Variants in MDGA2 observed in about 807,000 individuals in gnomAD.
MDGA2 encodes MAM domain-containing glycosylphosphatidylinositol anchor protein 2.
MDGA2 carries 40 observed loss-of-function variants against 117.8 expected under a neutral mutation model. The ratio of observed to expected loss-of-function variants is 0.34; its 90% CI spans 0.26 to 0.44. The LOEUF (loss-of-function observed/expected upper bound fraction) is 0.44, where lower values mean the gene tolerates loss of function less well. Among genes scored for constraint, MDGA2 ranks in the 20% least tolerant of loss-of-function variants. The probability of loss-of-function intolerance (pLI) is 1.00; values close to 1 mark genes in which losing one functional copy is unlikely to be tolerated. For missense variants in MDGA2, 1,123 were observed against 1,250.6 expected, an observed-to-expected ratio of 0.90 and a Z score of 1.54; for synonymous variants, 452 against 439.0, an observed-to-expected ratio of 1.03 and a Z score of -0.37.
At chr14:47,662,026 C>T (rs549899930) in intron 1 of MDGA2, among the ~76,000 whole-genome samples, 23 of 152,070 alleles carry the variant, frequency 1.5e-4, no homozygotes, top group Non-Finnish European at 2.8e-4. Context: ...AGTGAGCCAC[C>T]GCACCCAGCC....
chr14:47,281,704 T>A (rs1190102893), intron 2 of MDGA2, among the ~76,000 whole-genome samples: 1 of 152,176 alleles, frequency 6.6e-6, no homozygotes, highest in East Asian at 1.9e-4. Flanking sequence ...TGTTGTAAAA[T>A]GCTGATTTTT....
Position 47,232,753 on chromosome 14 carries a change from T to G in MDGA2, c.421-14558A>C, listed in dbSNP as rs1886734036. The stretch of plus-strand genomic sequence containing the variant: ...AACACCATAGACTCTAACTGCCCAG[T>G]GAAATTTATTTGTTGACAGATACTC... On this transcript the variant is annotated intron_variant, in intron 2 of 16. Transcript: ENST00000399232. 3.3e-5 allele frequency among the ~76,000 whole-genome samples: 5 copies of G among 152,144 alleles called. No individual in the cohort carries two copies. In the South Asian group the frequency reaches 1.0e-3, roughly 31 times the overall value.
At chr14:47,138,854 G>A (rs1021656562) in intron 4 of MDGA2, among the ~76,000 whole-genome samples, 9 of 151,970 alleles carry the variant, frequency 5.9e-5, no homozygotes, top group Non-Finnish European at 7.4e-5. Context: ...GTGGAAGGAC[G>A]AAAAGTATAA....
intron 6 of MDGA2, among the ~76,000 whole-genome samples, chr14:47,083,888 A>G (rs1036215383): frequency 1.3e-5 from 2 of 151,792 alleles, no homozygotes; most frequent in East Asian, 1.9e-4. Context: ...GTAAATCTGT[A>G]TATACCCTTC....
At chr14:47,070,598 T>A (rs994685901) in intron 6 of MDGA2, among the ~76,000 whole-genome samples, 2 of 152,104 alleles carry the variant, frequency 1.3e-5, no homozygotes, top group South Asian at 2.1e-4. Context: ...GTACTTTTTT[T>A]TTATTATTTT....
chr14:47,427,888 G>C (rs924662145), intron 1 of MDGA2, among the ~76,000 whole-genome samples: 2 of 152,036 alleles, frequency 1.3e-5, no homozygotes, highest in Non-Finnish European at 2.9e-5. Context: ...GAACATGCTA[G>C]GACTAAAATT....
In MDGA2 at chr14:46,882,226, A is replaced by G. The variant is rs1473657319; in HGVS notation, c.2239-5T>C. On this transcript the variant is annotated splice_polypyrimidine_tract_variant and splice_region_variant and intron_variant, in intron 10 of 16. Coordinates refer to ENST00000399232, the MANE Select transcript of MDGA2 (RefSeq NM_001113498.3). Reference sequence around the variant, plus strand: ...CCACCAGCGCTGCTGTCCAGCCTGAAATCAAAACAATAATAGAATAATGTT... The same window carrying G: ...CCACCAGCGCTGCTGTCCAGCCTGAGATCAAAACAATAATAGAATAATGTT... 2 of 1,604,826 alleles carry G rather than the reference A, an allele frequency of 1.2e-6. No individual in the cohort carries two copies. Among genetic ancestry groups the G allele is most frequent in the Non-Finnish European group, 1.7e-6 (2 of 1,175,478 alleles).
chr14:47,000,260 G>C (rs943540094), intron 8 of MDGA2, among the ~76,000 whole-genome samples: 1 of 146,894 alleles, frequency 6.8e-6, no homozygotes, highest in Admixed American at 7.0e-5. Flanking sequence ...TGACTTCAAA[G>C]CATGTAACTG....
chr14:47,541,971 C>T (rs1895361709), intron 1 of MDGA2, among the ~76,000 whole-genome samples: 1 of 152,176 alleles, frequency 6.6e-6, no homozygotes, highest in Non-Finnish European at 1.5e-5. Flanking sequence ...TTCTGGATTA[C>T]TGAACTGCTC....
chr14:47,336,190 G>A (rs1890451572), intron 1 of MDGA2, among the ~76,000 whole-genome samples: 1 of 151,880 alleles, frequency 6.6e-6, no homozygotes, highest in Non-Finnish European at 1.5e-5. Context: ...ACATTTAGGA[G>A]ATGTCTTGTA....
At chr14:47,071,780 T>C (rs1410975715) in intron 6 of MDGA2, among the ~76,000 whole-genome samples, 1 of 152,148 alleles carries the variant, frequency 6.6e-6, no homozygotes, top group Admixed American at 6.5e-5. Flanking sequence ...CAAAAATTAC[T>C]ATTCCTGTTT....
chr14:46,839,746 T>A (rs979382370), downstream of MDGA2, among the ~76,000 whole-genome samples: 1 of 152,098 alleles, frequency 6.6e-6, no homozygotes, highest in African/African-American at 2.4e-5. Context: ...TTCAAATAAG[T>A]TATGAAACTC....
At chr14:47,198,420 A>C (rs1484907814) in intron 3 of MDGA2, among the ~76,000 whole-genome samples, 1 of 152,036 alleles carries the variant, frequency 6.6e-6, no homozygotes, top group Non-Finnish European at 1.5e-5. Flanking sequence ...AAAATACAAA[A>C]AATTAACCGG....
In MDGA2 at chr14:47,588,239, T is replaced by TAG. The variant is rs1458847329; in HGVS notation, c.280+86277_280+86278insCT. Among the ~76,000 whole-genome samples, 289 of 87,316 alleles carry TAG rather than the reference T, an allele frequency of 3.3e-3. 5 individuals are homozygous for TAG. Among genetic ancestry groups the TAG allele is most frequent in the African/African-American group, 0.013 (277 of 21,970 alleles). 57.3% of individuals were successfully genotyped at this position (87,316 alleles called of 152,430 possible). A position where few individuals can be genotyped will look rare whatever the true frequency, so the allele number is the denominator to read the frequency against. ...TTCAAATCTCTTGGAGATAGATAGA[T>TAG]ATATATATATATATATATATATACA... On this transcript the variant is annotated intron_variant, in intron 1 of 16. Transcript: ENST00000399232.
intron 2 of MDGA2, among the ~76,000 whole-genome samples, chr14:47,259,996 G>A (rs186718137): frequency 7.3e-4 from 111 of 152,192 alleles, no homozygotes; most frequent in African/African-American, 2.6e-3. Flanking sequence ...TCATTTTGAA[G>A]CTGGGGGCGG....
At chr14:46,943,593 A>G (rs1047378289) in intron 9 of MDGA2, among the ~76,000 whole-genome samples, 1 of 152,042 alleles carries the variant, frequency 6.6e-6, no homozygotes, top group East Asian at 1.9e-4. Context: ...AACATATCAC[A>G]TTCCATACTT....
At chr14:47,405,402 T>A (rs1892240154) in intron 1 of MDGA2, among the ~76,000 whole-genome samples, 1 of 152,218 alleles carries the variant, frequency 6.6e-6, no homozygotes, top group African/African-American at 2.4e-5. Context: ...ATGAAAAAGA[T>A]GGTTACATGG....
At chr14:47,563,907 C>T (rs1895868749) in intron 1 of MDGA2, among the ~76,000 whole-genome samples, 1 of 152,020 alleles carries the variant, frequency 6.6e-6, no homozygotes, top group African/African-American at 2.4e-5. Flanking sequence ...CTTTCCCTTC[C>T]ATGTTTAGCA....
At chr14:46,903,572 T>A (rs1397241417) in intron 10 of MDGA2, among the ~76,000 whole-genome samples, 1 of 152,176 alleles carries the variant, frequency 6.6e-6, no homozygotes, top group African/African-American at 2.4e-5. Context: ...TTTCCCCTCT[T>A]CATCTTTACT....
Sources: gnomAD v4.1 joint callset for allele counts (sites outside exome capture counted in the v4.1 genomes callset) on GRCh38, gnomAD v4.1.1 for gene constraint, MANE v1.5 for transcripts, NCBI Gene and HGNC (gene_info 2026-07-23, HGNC 2026-07-21) for gene names.